Variants in NAV3 observed in about 807,000 individuals in gnomAD.
NAV3 encodes neuron navigator 3.
Under a neutral mutation model 244.7 loss-of-function variants are expected in NAV3, and 87 were observed. The ratio of observed to expected loss-of-function variants is 0.36; its 90% CI spans 0.30 to 0.42. The LOEUF (loss-of-function observed/expected upper bound fraction) is 0.42, where lower values mean the gene tolerates loss of function less well. NAV3 is among the 20% of genes least tolerant of loss of function. The pLI is 1.00. For synonymous variants in NAV3, 1,126 were observed against 1,042.2 expected (o/e 1.08, Z -1.55); for missense variants, 2,663 against 2,893.3 (o/e 0.92, Z 1.83).
intron 12 of NAV3, among the ~76,000 whole-genome samples, chr12:78,085,997 C>T (rs934242178): frequency 3.3e-5 from 5 of 152,022 alleles, no homozygotes; most frequent in Admixed American, 6.6e-5. Flanking sequence ...GGAATGCAAA[C>T]GCTGGGTTTC....
chr12:77,751,682 A>T (rs1334539808), intron 2 of NAV3, among the ~76,000 whole-genome samples: 1 of 152,218 alleles, frequency 6.6e-6, no homozygotes, highest in Non-Finnish European at 1.5e-5. Context: ...AGTCTCAGTT[A>T]TGTCTTTATT....
At chr12:78,069,033 A>C (rs966577943) in intron 12 of NAV3, among the ~76,000 whole-genome samples, 1 of 151,902 alleles carries the variant, frequency 6.6e-6, no homozygotes, top group African/African-American at 2.4e-5. Flanking sequence ...GGGATCATTA[A>C]ATTGAAGGCA....
chr12:77,784,544 C>A (rs1038665357), intron 2 of NAV3, among the ~76,000 whole-genome samples: 19 of 152,056 alleles, frequency 1.2e-4, no homozygotes, highest in African/African-American at 4.6e-4. Flanking sequence ...TTGGGTAGGG[C>A]AGGGAAAAAT....
chr12:77,854,607 T>TTTG lies in NAV3; in HGVS notation c.243+22904_243+22905insTGT, dbSNP rs1555215966. ...TGTGTATGTGTGTGTGTGTGTGTGTTTGTGTGTGTGTGTTAAAATTATTGG... is the reference window on the plus strand; with the variant it reads ...TGTGTATGTGTGTGTGTGTGTGTGTTTTGTGTGTGTGTGTGTTAAAATTATTGG... On this transcript the variant is annotated intron_variant, in intron 1 of 39. Coordinates refer to ENST00000397909, the MANE Select transcript of NAV3 (RefSeq NM_001024383.2). Among the ~76,000 whole-genome samples, 38 of 106,036 alleles carry TTTG rather than the reference T, an allele frequency of 3.6e-4. No homozygotes were observed. The Admixed American group carries it at 3.8e-3, about 10-fold the overall frequency. 69.6% of individuals were successfully genotyped at this position (106,036 alleles called of 152,430 possible).
At chr12:77,661,762 C>G (rs1873460664) in intron 2 of NAV3, among the ~76,000 whole-genome samples, 1 of 152,006 alleles carries the variant, frequency 6.6e-6, no homozygotes, top group South Asian at 2.1e-4. Context: ...TTTCATACAG[C>G]TATCCAATCA....
chr12:78,114,506 A>C (rs997636169), intron 12 of NAV3, among the ~76,000 whole-genome samples: 1 of 152,202 alleles, frequency 6.6e-6, no homozygotes, highest in Non-Finnish European at 1.5e-5. Context: ...ATCCTCCTTC[A>C]CATGGTGGCA....
intron 9 of NAV3, among the ~76,000 whole-genome samples, chr12:78,044,284 G>A (rs1187870053): frequency 2.0e-5 from 3 of 152,064 alleles, no homozygotes; most frequent in Non-Finnish European, 4.4e-5. Flanking sequence ...TGTTTCATTG[G>A]TCTATATATC....
chr12:77,789,861 A>T (rs1871105041), intron 2 of NAV3, among the ~76,000 whole-genome samples: 1 of 103,648 alleles, frequency 9.6e-6, no homozygotes, highest in Non-Finnish European at 2.2e-5. Flanking sequence ...AGAAAAAAAA[A>T]ATTCACAAAA....
chr12:77,767,095 T>A (rs1869816910), intron 2 of NAV3, among the ~76,000 whole-genome samples: 1 of 152,110 alleles, frequency 6.6e-6, no homozygotes, highest in Admixed American at 6.5e-5. Context: ...AGAAGCGCGA[T>A]GGAAAGTCAG....
intron 22 of NAV3, among the ~76,000 whole-genome samples, chr12:78,150,975 G>A (rs760206498): frequency 6.6e-6 from 1 of 151,734 alleles, no homozygotes; most frequent in Non-Finnish European, 1.5e-5. Flanking sequence ...TGAACATCCA[G>A]CATATCTGTG....
chr12:78,111,918 G>A (rs1429072163), intron 12 of NAV3, among the ~76,000 whole-genome samples: 1 of 152,122 alleles, frequency 6.6e-6, no homozygotes, highest in East Asian at 1.9e-4. Flanking sequence ...GAAAGATATA[G>A]TAAAGAAATA....
At chr12:77,908,809 A>C (rs1033110679) in intron 1 of NAV3, among the ~76,000 whole-genome samples, 1 of 152,080 alleles carries the variant, frequency 6.6e-6, no homozygotes, top group Non-Finnish European at 1.5e-5. Flanking sequence ...TTCCTTCTCT[A>C]TAATAATGGC....
intron 22 of NAV3, among the ~76,000 whole-genome samples, chr12:78,150,536 T>C (rs1957034553): frequency 6.6e-6 from 1 of 151,776 alleles, no homozygotes; most frequent in African/African-American, 2.4e-5. Context: ...ATCTCATTCT[T>C]ACTCATGATT....
At chr12:78,073,461 C>T (rs1952884605) in intron 12 of NAV3, among the ~76,000 whole-genome samples, 1 of 151,962 alleles carries the variant, frequency 6.6e-6, no homozygotes, top group Non-Finnish European at 1.5e-5. Context: ...AATAAAATAC[C>T]TAGGAATCCA....
chr12:77,635,196 C>T (rs1226195861), intron 2 of NAV3, among the ~76,000 whole-genome samples: 1 of 151,908 alleles, frequency 6.6e-6, no homozygotes, highest in African/African-American at 2.4e-5. Flanking sequence ...CCATTGCACT[C>T]CACCCTTGGT....
intron 2 of NAV3, 32 bp from the exon 3 acceptor site, chr12:77,941,049 T>G: frequency 7.0e-7 from 1 of 1,437,930 alleles, no homozygotes. Flanking sequence ...TCGTTCTTTT[T>G]TTCTCTCTTT....
intron 2 of NAV3, among the ~76,000 whole-genome samples, chr12:77,803,898 A>G (rs1300404519): frequency 1.3e-5 from 2 of 151,990 alleles, no homozygotes; most frequent in African/African-American, 2.4e-5. Context: ...GCTTCTTTTC[A>G]TATGTTTTTT....
At chr12:77,670,874 G>T (rs1343597279) in intron 2 of NAV3, among the ~76,000 whole-genome samples, 1 of 152,088 alleles carries the variant, frequency 6.6e-6, no homozygotes, top group African/African-American at 2.4e-5. Flanking sequence ...CTAAGAAGTG[G>T]AACAAGACGA....
intron 2 of NAV3, among the ~76,000 whole-genome samples, chr12:77,579,631 T>A (rs1239510722): frequency 3.3e-5 from 5 of 152,208 alleles, no homozygotes; most frequent in Non-Finnish European, 7.3e-5. Flanking sequence ...TAATGGCAAT[T>A]AAATTTCAAC....
Sources: allele counts gnomAD v4.1 joint callset (sites outside exome capture counted in the v4.1 genomes callset), GRCh38; gene constraint gnomAD v4.1.1; transcripts MANE v1.5; gene names NCBI Gene and HGNC (gene_info 2026-07-23, HGNC 2026-07-21).